Variants in CMYA5 observed in about 807,000 individuals in gnomAD.
The protein encoded by CMYA5 is cardiomyopathy-associated protein 5.
Under a neutral mutation model 318.9 loss-of-function variants are expected in CMYA5, and 246 were observed. That is an observed-to-expected ratio of 0.77 (90% CI 0.70 to 0.86). CMYA5 has a LOEUF of 0.86. Ranked by LOEUF, CMYA5 falls within the 40% of genes least tolerant of loss-of-function variation. The probability of loss-of-function intolerance (pLI) is 0.00; values close to 1 mark genes in which losing one functional copy is unlikely to be tolerated. For missense variants in CMYA5, 4,589 were observed against 4,678.2 expected, an observed-to-expected ratio of 0.98 and a Z score of 0.56; for synonymous variants, 1,641 against 1,729.5, an observed-to-expected ratio of 0.95 and a Z score of 1.27.
At chr5:79,747,147 A>G in intron 5 of CMYA5, 34 bp downstream of exon 5, 1 of 1,523,722 alleles carries the variant, frequency 6.6e-7, no homozygotes, top group Non-Finnish European at 8.8e-7. Flanking sequence ...AGTGGCAAAC[A>G]GCATGACTGG....
Position 79,734,339 on chromosome 5 carries a change from A to G in CMYA5, c.5574A>G (p.Arg1858=). The change falls in exon 2 of 13, where the codon AGA becomes AGG. Residue 1858 remains arginine, a synonymous_variant. Transcript: ENST00000446378. The part of the protein sequence containing the change: ...DLGIKQFSLM[R]ENLPLEQSKS... Reference sequence around the variant, plus strand: ...GTATTAAGCAGTTTTCACTTATGAGAGAGAATTTGCCTTTGGAACAATCAA... The same window carrying G: ...GTATTAAGCAGTTTTCACTTATGAGGGAGAATTTGCCTTTGGAACAATCAA... 6.2e-7 allele frequency: 1 copy of G among 1,613,908 alleles called. No individual in the cohort carries two copies. Among genetic ancestry groups the G allele is most frequent in the South Asian group, 1.1e-5 (1 of 91,082 alleles).
chr5:79,755,380 G>A (rs555315688), intron 6 of CMYA5, among the ~76,000 whole-genome samples: 1 of 152,002 alleles, frequency 6.6e-6, no homozygotes. Flanking sequence ...TCCGCCTCCC[G>A]GGTTCAAGCC....
At chr5:79,719,608 A>C (rs1827582642) in intron 1 of CMYA5, among the ~76,000 whole-genome samples, 2 of 152,252 alleles carry the variant, frequency 1.3e-5, no homozygotes, top group Non-Finnish European at 2.9e-5. Context: ...TTAAAGCTCC[A>C]TTCATAAATT....
rs1826919464 is a variant in CMYA5, at chr5:79,689,949, C to T, written c.42C>T (p.Leu14=). ...RDSNHAGESF[L]GSDGDEEATR... ...GCAACCACGCTGGCGAGAGCTTTCT[C>T]GGCTCCGACGGGGACGAGGAGGCGA... The change falls in exon 1 of 13, where the codon CTC becomes CTT. Residue 14 remains leucine, a synonymous_variant. Transcript: ENST00000446378. 2.8e-6 allele frequency: 3 copies of T among 1,076,450 alleles called. No homozygotes were observed. The highest frequency in any genetic ancestry group is 2.0e-5 in the Admixed American group (1 of 49,908). The allele number at this position is 1,076,450 out of a possible 1,614,324, so 66.7% of individuals were successfully genotyped here.
intron 1 of CMYA5, among the ~76,000 whole-genome samples, chr5:79,703,860 G>A (rs547791173): frequency 6.6e-6 from 1 of 152,316 alleles, no homozygotes; most frequent in African/African-American, 2.4e-5. Context: ...AAAGGCTGAG[G>A]CAGAAGGATT....
chr5:79,788,634 C>T (rs1179188651), intron 9 of CMYA5, among the ~76,000 whole-genome samples: 1 of 152,070 alleles, frequency 6.6e-6, no homozygotes, highest in Middle Eastern at 3.2e-3. Context: ...TCATCTTAAT[C>T]CAAAAGTGCC....
At chr5:79,722,519 A>C (rs546582432) in intron 1 of CMYA5, among the ~76,000 whole-genome samples, 9 of 152,200 alleles carry the variant, frequency 5.9e-5, no homozygotes, top group African/African-American at 2.2e-4. Flanking sequence ...TCTACTAAAA[A>C]TACAAAAAAT....
rs1264491231 is a variant in CMYA5, at chr5:79,722,676, C to CAA, written c.150-6218_150-6217dup. On this transcript the variant is annotated intron_variant, in intron 1 of 12. Coordinates refer to ENST00000446378, the MANE Select transcript of CMYA5 (RefSeq NM_153610.5). The stretch of plus-strand genomic sequence containing the variant: ...TGGGTGACAGAGTGAGACTCTGTCT[C>CAA]AAAAAAAAAAAAAAAAAAAAAATCT... Among the ~76,000 whole-genome samples the CAA allele has an allele frequency of 8.5e-3, 620 of 72,988 alleles. 27 individuals are homozygous for CAA. Among genetic ancestry groups the CAA allele is most frequent in the Admixed American group, 0.034 (214 of 6,210 alleles). 47.9% of individuals were successfully genotyped at this position (72,988 alleles called of 152,430 possible).
chr5:79,791,110 C>T (rs1261571222), intron 11 of CMYA5, 41 bp downstream of exon 11: 1 of 1,401,286 alleles, frequency 7.1e-7, no homozygotes, highest in African/African-American at 1.4e-5. Flanking sequence ...GATGGCCCAG[C>T]AGTAGGGTCT....
chr5:79,743,896 A>AT lies in CMYA5; in HGVS notation c.10709dup (p.Glu3571ArgfsTer5). ...GAGGATTGAAGCCTTTGTTAGTGAG[A>AT]TAGAATCCTTTTTTAATACCATTGA... On this transcript the variant is annotated frameshift_variant, in exon 3 of 13. Transcript: ENST00000446378. LOFTEE classifies it high-confidence loss of function. The AT allele has an allele frequency of 5.2e-6, 8 of 1,542,424 alleles. No homozygotes were observed. In the South Asian group the frequency reaches 9.8e-5, roughly 19 times the overall value.
chr5:79,788,254 T>C (rs972673631), intron 9 of CMYA5, among the ~76,000 whole-genome samples: 4 of 151,366 alleles, frequency 2.6e-5, no homozygotes, highest in Admixed American at 1.3e-4. Context: ...GGCTATGATA[T>C]CAAACAGATT....
intron 5 of CMYA5, among the ~76,000 whole-genome samples, chr5:79,748,505 C>T (rs1457456394): frequency 8.2e-6 from 1 of 121,804 alleles, no homozygotes; most frequent in African/African-American, 3.5e-5. Flanking sequence ...CCCTATCTAT[C>T]TATCTATCTA....
chr5:79,770,028 C>G (rs183933228), intron 9 of CMYA5, among the ~76,000 whole-genome samples: 12 of 152,322 alleles, frequency 7.9e-5, no homozygotes, highest in African/African-American at 2.6e-4. Context: ...GAGAGGCAGT[C>G]GGGCTAGAGT....
intron 9 of CMYA5, among the ~76,000 whole-genome samples, chr5:79,785,107 T>C (rs907872657): frequency 6.6e-5 from 10 of 152,104 alleles, no homozygotes; most frequent in African/African-American, 2.4e-4. Flanking sequence ...TCCATTATTA[T>C]ACACTCAAGA....
At chr5:79,720,508 C>T (rs1435116666) in intron 1 of CMYA5, among the ~76,000 whole-genome samples, 8 of 142,286 alleles carry the variant, frequency 5.6e-5, no homozygotes, top group South Asian at 4.6e-4. Flanking sequence ...ACAATCTCAA[C>T]TCACTGCAAC....
intron 1 of CMYA5, among the ~76,000 whole-genome samples, chr5:79,718,473 C>A (rs1005758663): frequency 1.3e-5 from 2 of 152,084 alleles, no homozygotes; most frequent in African/African-American, 2.4e-5. Context: ...ATATTTAATG[C>A]ATTCTAAAAG....
chr5:79,791,320 G>A (rs913107158), intron 11 of CMYA5, among the ~76,000 whole-genome samples: 1 of 152,050 alleles, frequency 6.6e-6, no homozygotes, highest in Non-Finnish European at 1.5e-5. Context: ...TTAAAACATT[G>A]GCTATTTTAA....
At chr5:79,762,994 C>T (rs259128) in intron 8 of CMYA5, 68 bp from the exon 9 acceptor site, 179,420 of 1,509,264 alleles carry the variant, frequency 0.12, 11,217 homozygotes, top group South Asian at 0.15. Context: ...TGGAAGATCA[C>T]GTGCTTCTCA....
chr5:79,739,002 C>T lies in CMYA5; in HGVS notation c.10237C>T (p.Arg3413Cys), dbSNP rs149453588. Residue 3413 changes from arginine to cysteine, a missense_variant, in exon 2 of 13, where the codon CGT (arginine) becomes TGT (cysteine). Coordinates refer to ENST00000446378, the MANE Select transcript of CMYA5 (RefSeq NM_153610.5). ...ACCTGAGCCAAGTGAAGAGAGGCTCCGTAATAGCCCTGTTCAGGATGAGTA... is the reference window on the plus strand; with the variant it reads ...ACCTGAGCCAAGTGAAGAGAGGCTCTGTAATAGCCCTGTTCAGGATGAGTA... ...VPPEPSEERL[R>C]NSPVQDEYEF... The T allele has an allele frequency of 5.7e-4, 919 of 1,613,768 alleles. 10 individuals are homozygous for T. The East Asian group carries it at 0.016, about 28-fold the overall frequency.
Sources: allele counts gnomAD v4.1 joint callset (sites outside exome capture counted in the v4.1 genomes callset), GRCh38; gene constraint gnomAD v4.1.1; transcripts MANE v1.5; gene names NCBI Gene and HGNC (gene_info 2026-07-23, HGNC 2026-07-21).